Variants in LRMDA observed in about 807,000 individuals in gnomAD.
LRMDA encodes leucine rich melanocyte differentiation associated, also known as leucine-rich melanocyte differentiation-associated protein.
In LRMDA, 18 loss-of-function variants were observed where a neutral mutation model predicts 29.8. The ratio of observed to expected loss-of-function variants is 0.60; its 90% CI spans 0.42 to 0.90. The LOEUF (loss-of-function observed/expected upper bound fraction) is 0.90. Among genes scored for constraint, LRMDA ranks in the 40% least tolerant of loss-of-function variants. The pLI, the probability that LRMDA is intolerant of heterozygous loss-of-function variation, is 0.00. For missense variants in LRMDA, 273 were observed against 273.9 expected, an observed-to-expected ratio of 1.00 and a Z score of 0.02; for synonymous variants, 125 against 109.4, an observed-to-expected ratio of 1.14 and a Z score of -0.89.
At chr10:76,149,198 G>C (rs1377622068) in intron 5 of LRMDA, among the ~76,000 whole-genome samples, 1 of 152,214 alleles carries the variant, frequency 6.6e-6, no homozygotes, top group Non-Finnish European at 1.5e-5. Flanking sequence ...CACTAACAAA[G>C]CAGTAGATTA....
At chr10:75,739,917 A>AG (rs775177550) in intron 2 of LRMDA, among the ~76,000 whole-genome samples, 4 of 152,164 alleles carry the variant, frequency 2.6e-5, no homozygotes, top group Non-Finnish European at 4.4e-5. Context: ...AGCTGTTTAC[A>AG]GCATGTTGCA....
At chr10:76,389,862 T>A (rs1841702452) in intron 6 of LRMDA, among the ~76,000 whole-genome samples, 1 of 152,206 alleles carries the variant, frequency 6.6e-6, no homozygotes, top group Non-Finnish European at 1.5e-5. Context: ...ATTTTGTTTA[T>A]TCATTCATCT....
chr10:76,308,200 T>G (rs966075556), intron 5 of LRMDA, among the ~76,000 whole-genome samples: 34 of 152,154 alleles, frequency 2.2e-4, no homozygotes, highest in African/African-American at 8.0e-4. Context: ...TTCATCTACT[T>G]GAACATCAAT....
chr10:76,175,065 T>A (rs1434762788), intron 5 of LRMDA, among the ~76,000 whole-genome samples: 1 of 152,106 alleles, frequency 6.6e-6, no homozygotes, highest in Admixed American at 6.5e-5. Context: ...GAGATTGCAG[T>A]GAGCCAAGAT....
chr10:75,498,740 A>G (rs1380101896), intron 2 of LRMDA, among the ~76,000 whole-genome samples: 1 of 152,210 alleles, frequency 6.6e-6, no homozygotes, highest in Non-Finnish European at 1.5e-5. Flanking sequence ...TGAAGGGTAT[A>G]AACACTGGAG....
At chr10:76,056,035 A>G (rs1848609529) in intron 4 of LRMDA, among the ~76,000 whole-genome samples, 1 of 152,362 alleles carries the variant, frequency 6.6e-6, no homozygotes, top group African/African-American at 2.4e-5. Context: ...TCCAGGAAGA[A>G]TGAAGCATGC....
At chr10:75,567,170 T>C (rs1840384337) in intron 2 of LRMDA, among the ~76,000 whole-genome samples, 2 of 152,334 alleles carry the variant, frequency 1.3e-5, no homozygotes, top group East Asian at 1.9e-4. Context: ...CTAGATATTC[T>C]AATCATACCC....
At chr10:76,420,243 A>G (rs1036965309) in intron 6 of LRMDA, among the ~76,000 whole-genome samples, 2 of 151,998 alleles carry the variant, frequency 1.3e-5, no homozygotes, top group African/African-American at 4.8e-5. Flanking sequence ...TTTAAGATAT[A>G]TGACTATTCT....
rs139813398 is a variant in LRMDA at position 75,644,988 on chromosome 10, CT to C, written c.131+206510del. On this transcript the variant is annotated intron_variant, in intron 2 of 6. Transcript: ENST00000611255. Reference sequence around the variant, plus strand: ...CTTTCTCTGTGTTACTTATTTTACTCTTTTTTTTTTTTTTTTGAGACAGGGT... The same window carrying C: ...CTTTCTCTGTGTTACTTATTTTACTCTTTTTTTTTTTTTTTGAGACAGGGT... Among the ~76,000 whole-genome samples, 686 of 143,808 alleles carry C rather than the reference CT, an allele frequency of 4.8e-3. 8 individuals are homozygous for C. The highest frequency in any genetic ancestry group is 0.025 in the South Asian group (113 of 4,514). The allele number at this position is 143,808 out of a possible 152,430, so 94.3% of individuals were successfully genotyped here. A position where few individuals can be genotyped will look rare whatever the true frequency, so the allele number is the denominator to read the frequency against.
At chr10:75,855,155 A>C (rs1844803013) in intron 2 of LRMDA, among the ~76,000 whole-genome samples, 1 of 152,182 alleles carries the variant, frequency 6.6e-6, no homozygotes, top group Non-Finnish European at 1.5e-5. Context: ...TGACTTCCAC[A>C]AGGGTTGGAC....
At chr10:75,922,953 A>G (rs1846050470) in intron 2 of LRMDA, among the ~76,000 whole-genome samples, 1 of 152,186 alleles carries the variant, frequency 6.6e-6, no homozygotes, top group Admixed American at 6.5e-5. Context: ...TATAAAGGCT[A>G]CAGGTATCAT....
chr10:76,195,408 T>A (rs930695847), intron 5 of LRMDA, among the ~76,000 whole-genome samples: 2 of 152,204 alleles, frequency 1.3e-5, no homozygotes, highest in African/African-American at 2.4e-5. Flanking sequence ...ACCATTCATT[T>A]GTCCATCTAA....
intron 2 of LRMDA, among the ~76,000 whole-genome samples, chr10:76,022,848 G>C (rs1205169953): frequency 6.6e-6 from 1 of 152,138 alleles, no homozygotes; most frequent in Non-Finnish European, 1.5e-5. Flanking sequence ...ATTCAACCAG[G>C]CTGTTTAATT....
chr10:75,924,428 CT>C (rs1329342086), intron 2 of LRMDA, among the ~76,000 whole-genome samples: 8 of 152,118 alleles, frequency 5.3e-5, no homozygotes, highest in Non-Finnish European at 1.2e-4. Context: ...GCAGAAAGTG[CT>C]TTTAAAGTTA....
chr10:76,431,842 C>T (rs908005820), intron 6 of LRMDA, among the ~76,000 whole-genome samples: 5 of 152,074 alleles, frequency 3.3e-5, no homozygotes, highest in African/African-American at 4.8e-5. Flanking sequence ...CACATGATAG[C>T]GAATAAGTTT....
chr10:76,363,802 G>A (rs910463673), intron 6 of LRMDA, among the ~76,000 whole-genome samples: 29 of 152,002 alleles, frequency 1.9e-4, no homozygotes, highest in Admixed American at 1.7e-3. Flanking sequence ...CCGTAACTAC[G>A]TTGTTTTGAG....
In LRMDA at chr10:75,650,129, G is replaced by C. The variant is rs1036807021; in HGVS notation, c.131+211635G>C. ...GCAAGATTTTAGTTGATGAAGTCTA[G>C]TTTGTCTATTTTCTTTCTTTTGTTG... On this transcript the variant is annotated intron_variant, in intron 2 of 6. Transcript: ENST00000611255. Among the ~76,000 whole-genome samples, 4 of 152,180 alleles carry C rather than the reference G, an allele frequency of 2.6e-5. No individual in the cohort carries two copies. In the South Asian group the frequency reaches 8.3e-4, roughly 32 times the overall value.
chr10:76,004,995 G>A (rs1847625527), intron 2 of LRMDA, among the ~76,000 whole-genome samples: 1 of 152,038 alleles, frequency 6.6e-6, no homozygotes, highest in Non-Finnish European at 1.5e-5. Context: ...CCAAAGTGCT[G>A]GGATTACAGG....
chr10:75,555,463 A>C (rs2132057737), intron 2 of LRMDA, among the ~76,000 whole-genome samples: 1 of 152,318 alleles, frequency 6.6e-6, no homozygotes, highest in African/African-American at 2.4e-5. Flanking sequence ...AATTCCATGT[A>C]TAAAATCTAC....
Sources: gnomAD v4.1 joint callset for allele counts (sites outside exome capture counted in the v4.1 genomes callset) on GRCh38, gnomAD v4.1.1 for gene constraint, MANE v1.5 for transcripts, NCBI Gene and HGNC (gene_info 2026-07-23, HGNC 2026-07-21) for gene names.